Variants in TNNI3K observed in about 807,000 individuals in gnomAD.
TNNI3K encodes the protein serine/threonine-protein kinase TNNI3K.
A neutral mutation model predicts 114.5 loss-of-function variants in TNNI3K; 140 were observed. The observed-to-expected ratio is 1.22, with a 90% CI of 1.07 to 1.41. The LOEUF is 1.41. Among genes scored for constraint, TNNI3K ranks in the 40% most tolerant of loss-of-function variants. The probability of loss-of-function intolerance (pLI) is 0.00; values close to 1 mark genes in which losing one functional copy is unlikely to be tolerated. For missense variants in TNNI3K, 1,125 were observed against 1,007.6 expected, an observed-to-expected ratio of 1.12 and a Z score of -1.58; for synonymous variants, 347 against 347.5, an observed-to-expected ratio of 1.00 and a Z score of 0.02.
intron 24 of TNNI3K, among the ~76,000 whole-genome samples, chr1:74,543,075 T>G (rs1181944377): frequency 7.9e-6 from 1 of 126,474 alleles, no homozygotes; most frequent in Non-Finnish European, 1.7e-5. Context: ...TTTTTTTTTT[T>G]TTTTTTTTTT....
At chr1:74,350,334 A>C (rs1054603035) in intron 9 of TNNI3K, among the ~76,000 whole-genome samples, 6 of 152,112 alleles carry the variant, frequency 3.9e-5, no homozygotes, top group Non-Finnish European at 8.8e-5. Context: ...TCTGAAAGTC[A>C]GTTTGTTATA....
intron 17 of TNNI3K, among the ~76,000 whole-genome samples, chr1:74,388,045 T>A (rs1663573964): frequency 6.6e-6 from 1 of 152,258 alleles, no homozygotes; most frequent in East Asian, 1.9e-4. Context: ...TTTGGGAAGC[T>A]GAGGTGGATA....
intron 23 of TNNI3K, among the ~76,000 whole-genome samples, chr1:74,514,664 A>T (rs1163876928): frequency 6.6e-6 from 1 of 152,168 alleles, no homozygotes; most frequent in East Asian, 1.9e-4. Flanking sequence ...GATTGACTCC[A>T]GTCTATCTAA....
At chr1:74,523,022 G>A (rs1167510758) in intron 23 of TNNI3K, among the ~76,000 whole-genome samples, 1 of 152,160 alleles carries the variant, frequency 6.6e-6, no homozygotes, top group Non-Finnish European at 1.5e-5. Context: ...AGATCACAAG[G>A]TTTCTGTAAT....
At chr1:74,432,188 G>A (rs144809049) in intron 17 of TNNI3K, among the ~76,000 whole-genome samples, 2 of 152,200 alleles carry the variant, frequency 1.3e-5, no homozygotes, top group Admixed American at 6.5e-5. Context: ...GGGCTAAGGC[G>A]CTAGCTCAAC....
At chr1:74,463,136 A>G (rs1224727969) in intron 20 of TNNI3K, among the ~76,000 whole-genome samples, 2 of 152,196 alleles carry the variant, frequency 1.3e-5, no homozygotes, top group African/African-American at 2.4e-5. Context: ...TTCTTATAAT[A>G]TCATGTACAT....
rs1666128170 is a variant in TNNI3K, at chr1:74,436,323, GT to G, written c.1826-146del. The G allele has an allele frequency of 5.0e-6, 6 of 1,196,240 alleles. No individual in the cohort carries two copies. In the Admixed American group the frequency reaches 1.8e-4, roughly 37 times the overall value. The allele number at this position is 1,196,240 out of a possible 1,614,324, so 74.1% of individuals were successfully genotyped here. The stretch of plus-strand genomic sequence containing the variant: ...TTTGAAACTCTGTCATTTATTTCTA[GT>G]TTTTCTTCTTTCTTATCTCCAGCCA... On this transcript the variant is annotated intron_variant, in intron 18 of 24. Transcript: ENST00000326637.
chr1:74,266,235 A>G (rs1655977373), intron 4 of TNNI3K, among the ~76,000 whole-genome samples: 1 of 152,036 alleles, frequency 6.6e-6, no homozygotes, highest in South Asian at 2.1e-4. Flanking sequence ...ACTGACTGGA[A>G]TAAGTGTAAG....
chr1:74,257,473 A>T (rs1655387307), intron 4 of TNNI3K, among the ~76,000 whole-genome samples: 1 of 152,008 alleles, frequency 6.6e-6, no homozygotes, highest in African/African-American at 2.4e-5. Flanking sequence ...ATTATGTATT[A>T]TGTGTTATAG....
chr1:74,280,891 G>A (rs78520306), intron 5 of TNNI3K, among the ~76,000 whole-genome samples: 173 of 152,268 alleles, frequency 1.1e-3, no homozygotes, highest in African/African-American at 4.1e-3. Context: ...ACTCTGTGCA[G>A]TGCAACTTGG....
At chr1:74,271,865 T>A (rs886210435) in intron 5 of TNNI3K, among the ~76,000 whole-genome samples, 157 bp downstream of exon 5, 12 of 151,952 alleles carry the variant, frequency 7.9e-5, no homozygotes, top group Admixed American at 1.3e-4. Flanking sequence ...ATAAATGAGC[T>A]TTGGATAGTC....
chr1:74,464,670 T>G (rs1478967488), intron 21 of TNNI3K: 1 of 1,596,966 alleles, frequency 6.3e-7, no homozygotes, highest in South Asian at 1.1e-5. Flanking sequence ...CAGTCTCATC[T>G]GTGTACACAG....
At chr1:74,480,406 G>C (rs1464116321) in intron 21 of TNNI3K, 2 of 717,472 alleles carry the variant, frequency 2.8e-6, no homozygotes, top group African/African-American at 1.7e-5. Context: ...CACAAGTGCA[G>C]CTCCACTGGT....
intron 23 of TNNI3K, among the ~76,000 whole-genome samples, chr1:74,498,257 C>T (rs1046043690): frequency 3.3e-5 from 5 of 152,122 alleles, no homozygotes; most frequent in African/African-American, 1.2e-4. Context: ...TGACATCCCC[C>T]TTATCTTGTC....
chr1:74,446,172 C>G (rs1557571123), intron 20 of TNNI3K, among the ~76,000 whole-genome samples: 1 of 152,076 alleles, frequency 6.6e-6, no homozygotes, highest in Non-Finnish European at 1.5e-5. Flanking sequence ...TAAAAGTGTT[C>G]CTGTTTCTCC....
chr1:74,524,829 T>C (rs1295074716), intron 23 of TNNI3K, among the ~76,000 whole-genome samples: 1 of 151,856 alleles, frequency 6.6e-6, no homozygotes, highest in East Asian at 1.9e-4. Context: ...TGGTAGGACT[T>C]GGAGATTTAC....
intron 5 of TNNI3K, among the ~76,000 whole-genome samples, chr1:74,295,738 C>T (rs1165295959): frequency 6.6e-6 from 1 of 151,978 alleles, no homozygotes; most frequent in Non-Finnish European, 1.5e-5. Context: ...CTTTTTGCAT[C>T]TTTATATTTA....
At chr1:74,237,912 A>AAGG (rs779675398) in intron 2 of TNNI3K, among the ~76,000 whole-genome samples, 1 of 151,984 alleles carries the variant, frequency 6.6e-6, no homozygotes, top group Non-Finnish European at 1.5e-5. Context: ...ATGATAAACT[A>AAGG]AGGATTAGAG....
chr1:74,406,162 C>T (rs1664603779), intron 17 of TNNI3K, among the ~76,000 whole-genome samples: 1 of 152,160 alleles, frequency 6.6e-6, no homozygotes, highest in South Asian at 2.1e-4. Context: ...GGACTGAAGT[C>T]CCTGTTTCCT....
Sources: gnomAD v4.1 joint callset for allele counts (sites outside exome capture counted in the v4.1 genomes callset) on GRCh38, gnomAD v4.1.1 for gene constraint, MANE v1.5 for transcripts, NCBI Gene and HGNC (gene_info 2026-07-23, HGNC 2026-07-21) for gene names.